The following PRKG1 variants were observed in gnomAD, a reference collection of about 807,000 sequenced individuals.
The protein encoded by PRKG1 is protein kinase cGMP-dependent 1, also known as cGMP-dependent protein kinase 1.
Under a neutral mutation model 88.1 loss-of-function variants are expected in PRKG1, and 35 were observed. The observed-to-expected ratio is 0.40, with a 90% confidence interval of 0.30 to 0.53. The LOEUF is 0.53. PRKG1 is among the 20% of genes least tolerant of loss of function. The pLI is 0.59. For synonymous variants in PRKG1, 303 were observed against 292.5 expected, an observed-to-expected ratio of 1.04 and a Z score of -0.37; for missense variants, 540 against 839.8, an observed-to-expected ratio of 0.64 and a Z score of 4.41.
intron 2 of PRKG1, among the ~76,000 whole-genome samples, chr10:51,224,303 A>G (rs1193389167): frequency 6.6e-6 from 1 of 152,182 alleles, no homozygotes; most frequent in Non-Finnish European, 1.5e-5. Context: ...AGGTGTGTCC[A>G]CCTAATTCAA....
At chr10:51,725,928 C>A (rs61077169) in intron 3 of PRKG1, among the ~76,000 whole-genome samples, 2 of 152,148 alleles carry the variant, frequency 1.3e-5, no homozygotes, top group East Asian at 3.9e-4. Flanking sequence ...CATGAGCCAC[C>A]GTGCCTGGCC....
chr10:51,025,796 A>G (rs1843196466), intron 1 of PRKG1, among the ~76,000 whole-genome samples: 1 of 152,192 alleles, frequency 6.6e-6, no homozygotes, highest in Non-Finnish European at 1.5e-5. Context: ...ATTCTCATAA[A>G]TTAGATCTTA....
chr10:51,089,291 G>A (rs919834053), intron 1 of PRKG1, among the ~76,000 whole-genome samples: 9 of 152,092 alleles, frequency 5.9e-5, no homozygotes, highest in African/African-American at 2.2e-4. Flanking sequence ...ACAAGCATGG[G>A]ATTAGTGGAA....
At chr10:52,117,583 T>G (rs1847719014) in intron 7 of PRKG1, among the ~76,000 whole-genome samples, 1 of 152,146 alleles carries the variant, frequency 6.6e-6, no homozygotes, top group South Asian at 2.1e-4. Flanking sequence ...GCAGCCTCTC[T>G]ACTCGGAAAT....
At position 51,434,823 on chromosome 10, in the gene PRKG1, T is replaced by C. The variant is rs1488267587; in HGVS notation, c.479-32900T>C. 2.0e-5 allele frequency among the ~76,000 whole-genome samples: 3 copies of C among 152,112 alleles called. No individual in the cohort carries two copies. The East Asian group carries it at 5.8e-4, about 29-fold the overall frequency. On this transcript the variant is annotated intron_variant, in intron 2 of 17. Transcript: ENST00000373980. The stretch of plus-strand genomic sequence containing the variant: ...TGAAACATCCTTTCAGATGGGGAAA[T>C]GTCTCTTACCTGTGTGAGCAGACTA...
At chr10:52,293,319 G>C (rs574954448) in intron 17 of PRKG1, among the ~76,000 whole-genome samples, 2 of 151,688 alleles carry the variant, frequency 1.3e-5, no homozygotes, top group Non-Finnish European at 2.9e-5. Flanking sequence ...TCAATATCGT[G>C]AAAATGGCCA....
At chr10:51,485,069 T>A (rs1232904580) in intron 3 of PRKG1, among the ~76,000 whole-genome samples, 1 of 152,212 alleles carries the variant, frequency 6.6e-6, no homozygotes, top group Non-Finnish European at 1.5e-5. Flanking sequence ...AGAAGTTTTT[T>A]TCAACAAATA....
chr10:51,249,345 T>C (rs986501976), intron 2 of PRKG1, among the ~76,000 whole-genome samples: 25 of 151,888 alleles, frequency 1.6e-4, no homozygotes, highest in African/African-American at 5.8e-4. Flanking sequence ...GAATATTAAC[T>C]TGAAAAGTTT....
At chr10:52,157,898 A>G (rs570943606) in intron 8 of PRKG1, among the ~76,000 whole-genome samples, 1 of 151,752 alleles carries the variant, frequency 6.6e-6, no homozygotes, top group South Asian at 2.1e-4. Flanking sequence ...GCTCTCTTTC[A>G]ATATCTGTGT....
intron 2 of PRKG1, among the ~76,000 whole-genome samples, chr10:51,217,367 A>C (rs1266994864): frequency 2.0e-5 from 3 of 152,124 alleles, no homozygotes; most frequent in African/African-American, 7.2e-5. Flanking sequence ...CGCATTACCT[A>C]ATAAGTTTGG....
intron 4 of PRKG1, among the ~76,000 whole-genome samples, chr10:51,906,648 T>TGCA (rs771084945): frequency 4.4e-4 from 67 of 152,110 alleles, no homozygotes; most frequent in Non-Finnish European, 8.1e-4. Flanking sequence ...AAGGTTCTTA[T>TGCA]TATGCAGATG....
chr10:51,675,841 T>C (rs1202734383), intron 3 of PRKG1, among the ~76,000 whole-genome samples: 2 of 152,190 alleles, frequency 1.3e-5, no homozygotes, highest in Non-Finnish European at 2.9e-5. Flanking sequence ...CTGATAACTG[T>C]GGAAGCCAAT....
chr10:52,001,223 T>C (rs555435028), intron 5 of PRKG1, among the ~76,000 whole-genome samples: 13 of 151,998 alleles, frequency 8.6e-5, no homozygotes, highest in Admixed American at 1.3e-4. Flanking sequence ...TGTATAACTT[T>C]TCTTTACCCA....
At chr10:52,237,863 T>C (rs1471436797) in intron 9 of PRKG1, among the ~76,000 whole-genome samples, 2 of 141,348 alleles carry the variant, frequency 1.4e-5, no homozygotes, top group Non-Finnish European at 3.1e-5. Flanking sequence ...CATCGCCAAG[T>C]CAATCCTAAG....
At chr10:52,052,655 C>T (rs1212495260) in intron 5 of PRKG1, among the ~76,000 whole-genome samples, 4 of 152,046 alleles carry the variant, frequency 2.6e-5, no homozygotes, top group South Asian at 2.1e-4. Context: ...GCAGACAAGA[C>T]ACAATGAGAG....
chr10:51,796,233 A>G (rs7898813), intron 3 of PRKG1, among the ~76,000 whole-genome samples: 60,653 of 151,932 alleles, frequency 0.4, 12,835 homozygotes, highest in Middle Eastern at 0.53. Context: ...AGCAGCACTA[A>G]CCAACAGAAA....
At chr10:51,789,880 G>T (rs1838822714) in intron 3 of PRKG1, among the ~76,000 whole-genome samples, 2 of 151,736 alleles carry the variant, frequency 1.3e-5, no homozygotes. Context: ...GGAGTGTAGT[G>T]GCACCACCTC....
At chr10:52,067,337 A>C (rs988069092) in intron 7 of PRKG1, among the ~76,000 whole-genome samples, 1 of 152,222 alleles carries the variant, frequency 6.6e-6, no homozygotes, top group African/African-American at 2.4e-5. Flanking sequence ...GTTGTTCAGC[A>C]GGCAATTAAA....
intron 5 of PRKG1, among the ~76,000 whole-genome samples, chr10:51,967,898 T>G (rs980682960): frequency 8.5e-5 from 13 of 152,174 alleles, no homozygotes; most frequent in Non-Finnish European, 7.3e-5. Flanking sequence ...CATCACCTGC[T>G]TTAGGCTTTA....
Sources: gnomAD v4.1 joint callset for allele counts (sites outside exome capture counted in the v4.1 genomes callset) on GRCh38, gnomAD v4.1.1 for gene constraint, MANE v1.5 for transcripts, NCBI Gene and HGNC (gene_info 2026-07-23, HGNC 2026-07-21) for gene names.